The following OPCML variants were observed in gnomAD, a reference collection of about 807,000 sequenced individuals.
The protein encoded by OPCML is opioid binding protein/cell adhesion molecule like.
OPCML carries 13 observed loss-of-function variants against 37.8 expected under a neutral mutation model. The observed-to-expected ratio is 0.34, with a 90% CI of 0.22 to 0.55. OPCML has a LOEUF of 0.55. Among genes scored for constraint, OPCML ranks in the 20% least tolerant of loss-of-function variants. OPCML has a pLI of 0.91. For missense variants in OPCML, 341 were observed against 435.6 expected (o/e 0.78, Z 1.93); for synonymous variants, 176 against 168.8 (o/e 1.04, Z -0.33).
At chr11:133,136,707 G>A (rs1044132466) in intron 1 of OPCML, among the ~76,000 whole-genome samples, 1 of 152,080 alleles carries the variant, frequency 6.6e-6, no homozygotes, top group Non-Finnish European at 1.5e-5. Context: ...GAGTGAGCAG[G>A]TGGAGCAAGA....
intron 1 of OPCML, among the ~76,000 whole-genome samples, chr11:133,171,789 G>A (rs970683527): frequency 3.9e-5 from 6 of 152,234 alleles, no homozygotes; most frequent in African/African-American, 1.4e-4. Flanking sequence ...ACAGCAAAGG[G>A]TGGGGGCTGG....
intron 3 of OPCML, among the ~76,000 whole-genome samples, chr11:132,611,467 T>C (rs1441056187): frequency 6.6e-6 from 1 of 152,208 alleles, no homozygotes; most frequent in African/African-American, 2.4e-5. Context: ...TGGAAAATTC[T>C]CCCAACATGG....
intron 1 of OPCML, among the ~76,000 whole-genome samples, chr11:133,513,978 A>G (rs1402620613): frequency 6.6e-6 from 1 of 152,144 alleles, no homozygotes; most frequent in African/African-American, 2.4e-5. Context: ...CAGTATCCCA[A>G]AGGGTCAGTC....
intron 1 of OPCML, among the ~76,000 whole-genome samples, chr11:133,086,466 G>A (rs974937460): frequency 1.3e-5 from 2 of 152,088 alleles, no homozygotes; most frequent in African/African-American, 4.8e-5. Flanking sequence ...AAAAGTCAAT[G>A]TATTGTCTGA....
intron 2 of OPCML, among the ~76,000 whole-genome samples, chr11:132,853,525 T>C (rs927395988): frequency 6.6e-6 from 1 of 152,192 alleles, no homozygotes; most frequent in Non-Finnish European, 1.5e-5. Flanking sequence ...TTAGTATAAA[T>C]AGAGTTGTGC....
At chr11:132,501,310 CG>C (rs2096245098) in intron 4 of OPCML, among the ~76,000 whole-genome samples, 1 of 152,152 alleles carries the variant, frequency 6.6e-6, no homozygotes, top group African/African-American at 2.4e-5. Flanking sequence ...CCATTCAGGA[CG>C]TAGGCATGAG....
At chr11:132,862,601 C>T (rs1481125640) in intron 2 of OPCML, among the ~76,000 whole-genome samples, 1 of 152,100 alleles carries the variant, frequency 6.6e-6, no homozygotes, top group Non-Finnish European at 1.5e-5. Flanking sequence ...CTTTCCATTG[C>T]TTGTGGCCCA....
chr11:132,896,372 A>T (rs1212858364), intron 2 of OPCML, among the ~76,000 whole-genome samples: 1 of 152,154 alleles, frequency 6.6e-6, no homozygotes, highest in Non-Finnish European at 1.5e-5. Flanking sequence ...AGACCTTACA[A>T]TGGGAGCTGC....
chr11:133,299,630 T>C (rs1179281120), intron 1 of OPCML: 6 of 152,184 alleles, frequency 3.9e-5, no homozygotes, highest in Admixed American at 3.9e-4. Flanking sequence ...TACCTGAAAT[T>C]GACAGAAGAA....
In OPCML at chr11:133,177,776, C is replaced by G. The variant is rs776047650; in HGVS notation, c.62-234766G>C. The stretch of plus-strand genomic sequence containing the variant: ...AATCTCATGGAATCGGCCCCACACA[C>G]TCACCGAAATGGCTCCAAAATTTGA... On this transcript the variant is annotated intron_variant, in intron 1 of 7. Transcript: ENST00000524381. The surrounding 1 kb of genome is among the most constrained non-coding windows in gnomAD (Gnocchi z 5.0). Among the ~76,000 whole-genome samples, 39 of 152,298 alleles carry G rather than the reference C, an allele frequency of 2.6e-4. No individual in the cohort carries two copies. The highest frequency in any genetic ancestry group is 5.2e-4 in the Admixed American group (8 of 15,300).
chr11:132,652,349 A>AACACACACACAC (rs5795793), intron 3 of OPCML, among the ~76,000 whole-genome samples: 3,311 of 142,482 alleles, frequency 0.023, 38 homozygotes, highest in African/African-American at 0.045. Flanking sequence ...AAGAATGACA[A>AACACACACACAC]ACACACACAC....
chr11:132,565,986 T>C (rs1441308552), intron 3 of OPCML, among the ~76,000 whole-genome samples: 1 of 152,150 alleles, frequency 6.6e-6, no homozygotes, highest in Non-Finnish European at 1.5e-5. Context: ...TGAGTAGAGA[T>C]TGCACAACTG....
At chr11:132,904,166 C>T (rs76522644) in intron 2 of OPCML, among the ~76,000 whole-genome samples, 15,887 of 152,132 alleles carry the variant, frequency 0.1, 1,096 homozygotes, top group African/African-American at 0.18. Flanking sequence ...CTTGGACACC[C>T]TTTTTTGAGC....
At chr11:133,104,609 T>C (rs900372103) in intron 1 of OPCML, among the ~76,000 whole-genome samples, 1 of 152,220 alleles carries the variant, frequency 6.6e-6, no homozygotes, top group South Asian at 2.1e-4. Flanking sequence ...TGGAAAAACA[T>C]TGAAAGTAAA....
At chr11:133,238,092 CA>C (rs1292663920) in intron 1 of OPCML, among the ~76,000 whole-genome samples, 5 of 152,170 alleles carry the variant, frequency 3.3e-5, no homozygotes, top group African/African-American at 1.2e-4. Flanking sequence ...CAGTGTCATG[CA>C]AGTAGTATTT....
intron 2 of OPCML, among the ~76,000 whole-genome samples, chr11:132,923,732 G>A (rs1289388765): frequency 6.8e-6 from 1 of 147,716 alleles, no homozygotes; most frequent in African/African-American, 2.5e-5. Flanking sequence ...CATGCCCTGC[G>A]AAGTATCACA....
At chr11:132,590,751 C>T (rs915529029) in intron 3 of OPCML, among the ~76,000 whole-genome samples, 19 of 152,108 alleles carry the variant, frequency 1.2e-4, no homozygotes, top group East Asian at 3.9e-4. Context: ...AGCAGTTAAG[C>T]GGTGACCAGG....
At chr11:132,566,339 A>C (rs2096423143) in intron 3 of OPCML, among the ~76,000 whole-genome samples, 1 of 152,220 alleles carries the variant, frequency 6.6e-6, no homozygotes, top group African/African-American at 2.4e-5. Flanking sequence ...CTTTATGAGC[A>C]CAACATAGAG....
intron 4 of OPCML, among the ~76,000 whole-genome samples, chr11:132,468,477 A>G (rs1358664904): frequency 6.6e-6 from 1 of 152,212 alleles, no homozygotes; most frequent in Non-Finnish European, 1.5e-5. Flanking sequence ...GCTTTTTAAA[A>G]CGATTTCTAA....
Sources: gnomAD v4.1 joint callset for allele counts (sites outside exome capture counted in the v4.1 genomes callset) on GRCh38, gnomAD v4.1.1 for gene constraint, Gnocchi (gnomAD v3.1) non-coding constraint, MANE v1.5 for transcripts, NCBI Gene and HGNC (gene_info 2026-07-23, HGNC 2026-07-21) for gene names.